Variants in SORCS3 observed in about 807,000 individuals in gnomAD.
SORCS3 encodes the protein VPS10 domain-containing receptor SorCS3.
Under a neutral mutation model 146.3 loss-of-function variants are expected in SORCS3, and 57 were observed. The ratio of observed to expected loss-of-function variants is 0.39; its 90% CI spans 0.31 to 0.49. SORCS3 has a LOEUF of 0.49. Among genes scored for constraint, SORCS3 ranks in the 20% least tolerant of loss-of-function variants. SORCS3 has a pLI of 0.92. For missense variants in SORCS3, 1,341 were observed against 1,575.5 expected, an observed-to-expected ratio of 0.85 and a Z score of 2.52; for synonymous variants, 653 against 618.5, an observed-to-expected ratio of 1.06 and a Z score of -0.83.
chr10:105,245,923 T>A (rs1430538973), intron 21 of SORCS3, among the ~76,000 whole-genome samples: 1 of 152,202 alleles, frequency 6.6e-6, no homozygotes, highest in East Asian at 1.9e-4. Flanking sequence ...CAAAGACACG[T>A]ATCACAAATT....
chr10:105,187,733 A>G (rs1022945106), intron 14 of SORCS3, among the ~76,000 whole-genome samples: 2 of 152,216 alleles, frequency 1.3e-5, no homozygotes, highest in African/African-American at 4.8e-5. Context: ...TGTTGCTATT[A>G]CAAGAACATT....
chr10:104,760,291 C>A (rs2017105155), intron 1 of SORCS3, among the ~76,000 whole-genome samples: 1 of 152,206 alleles, frequency 6.6e-6, no homozygotes, highest in South Asian at 2.1e-4. Flanking sequence ...GCAGCTGGCA[C>A]ACAGTCAGTG....
At chr10:105,053,043 C>T (rs895559102) in intron 5 of SORCS3, among the ~76,000 whole-genome samples, 6 of 151,962 alleles carry the variant, frequency 3.9e-5, no homozygotes, top group African/African-American at 1.4e-4. Context: ...TGGTGAGGGC[C>T]CTCTTCCAGG....
intron 25 of SORCS3, 104 bp downstream of exon 25, chr10:105,257,028 A>G (rs565875357): frequency 1.2e-6 from 1 of 827,472 alleles, no homozygotes; most frequent in East Asian, 2.6e-5. Context: ...GTGATTTTTA[A>G]TTCTCCTTGA....
At position 105,028,470 on chromosome 10, in the gene SORCS3, C is replaced by T. The variant is rs150096002; in HGVS notation, c.955-14585C>T. Among the ~76,000 whole-genome samples, 549 of 152,196 alleles carry T rather than the reference C, an allele frequency of 3.6e-3. 3 individuals are homozygous for T. Among genetic ancestry groups the T allele is most frequent in the African/African-American group, 0.013 (526 of 41,516 alleles). ...ATTAGCAGCTTCTCCACTACCTCCCCGTGAAATGGCCCACCCAAGATCACA... is the reference window on the plus strand; with the variant it reads ...ATTAGCAGCTTCTCCACTACCTCCCTGTGAAATGGCCCACCCAAGATCACA... On this transcript the variant is annotated intron_variant, in intron 4 of 26. Transcript: ENST00000369701.
intron 14 of SORCS3, among the ~76,000 whole-genome samples, chr10:105,195,634 G>A (rs1165206484): frequency 6.6e-6 from 1 of 152,184 alleles, no homozygotes; most frequent in Non-Finnish European, 1.5e-5. Flanking sequence ...AACAGAATTA[G>A]GGAAGCTGGG....
intron 2 of SORCS3, among the ~76,000 whole-genome samples, chr10:104,855,716 A>AGTGTGTGT (rs58569291): frequency 0.071 from 10,652 of 150,784 alleles, 1,157 homozygotes; most frequent in African/African-American, 0.23. Context: ...TTTGCTTTTG[A>AGTGTGTGT]GTGTGTGTGT....
intron 20 of SORCS3, among the ~76,000 whole-genome samples, chr10:105,237,071 T>C (rs1323526317): frequency 2.6e-5 from 4 of 152,156 alleles, no homozygotes; most frequent in Non-Finnish European, 5.9e-5. Flanking sequence ...TGGTTAGGAA[T>C]TTTTAATCCA....
intron 13 of SORCS3, among the ~76,000 whole-genome samples, chr10:105,169,139 A>G (rs781539535): frequency 6.6e-5 from 10 of 152,128 alleles, no homozygotes; most frequent in Non-Finnish European, 1.2e-4. Context: ...AATGGCATCA[A>G]AAAGCAAACA....
chr10:104,789,984 G>C (rs1043059016), intron 1 of SORCS3, among the ~76,000 whole-genome samples: 1 of 152,186 alleles, frequency 6.6e-6, no homozygotes, highest in Non-Finnish European at 1.5e-5. Context: ...TCAGGATTCT[G>C]TGCCAATGCC....
intron 4 of SORCS3, among the ~76,000 whole-genome samples, chr10:105,014,317 T>C (rs1478569540): frequency 6.6e-6 from 1 of 151,738 alleles, no homozygotes. Context: ...AATGCCAACA[T>C]TTAAGAAGAA....
chr10:105,143,984 T>C (rs1356549712), intron 8 of SORCS3, among the ~76,000 whole-genome samples: 1 of 152,156 alleles, frequency 6.6e-6, no homozygotes, highest in Admixed American at 6.6e-5. Context: ...CTCTTCACAA[T>C]GCTTCCGCAA....
intron 1 of SORCS3, among the ~76,000 whole-genome samples, chr10:104,761,728 T>C (rs2017124231): frequency 6.6e-6 from 1 of 152,098 alleles, no homozygotes; most frequent in African/African-American, 2.4e-5. Context: ...CAGATTATTG[T>C]CATTGAAGTG....
chr10:104,837,651 A>G (rs1371230554), intron 1 of SORCS3, among the ~76,000 whole-genome samples: 2 of 152,310 alleles, frequency 1.3e-5, no homozygotes, highest in Middle Eastern at 3.4e-3. Context: ...CTCCAAGAAC[A>G]AAGAAAACAA....
intron 4 of SORCS3, among the ~76,000 whole-genome samples, chr10:105,035,253 T>C (rs1393732896): frequency 6.6e-6 from 1 of 152,124 alleles, no homozygotes; most frequent in East Asian, 1.9e-4. Flanking sequence ...AAAATACCCA[T>C]GGAATTTTAA....
At chr10:105,212,156 A>G (rs1322108175) in intron 17 of SORCS3, among the ~76,000 whole-genome samples, 4 of 152,168 alleles carry the variant, frequency 2.6e-5, no homozygotes, top group Non-Finnish European at 4.4e-5. Context: ...AGTACTATCT[A>G]CCTAACTGAT....
intron 3 of SORCS3, among the ~76,000 whole-genome samples, chr10:104,956,591 G>A (rs2019492563): frequency 6.6e-6 from 1 of 151,828 alleles, no homozygotes; most frequent in African/African-American, 2.4e-5. Flanking sequence ...TGGTGGTGGT[G>A]GAAGTGATTT....
intron 3 of SORCS3, among the ~76,000 whole-genome samples, chr10:104,943,264 G>T (rs1255358737): frequency 6.6e-6 from 1 of 152,018 alleles, no homozygotes; most frequent in African/African-American, 2.4e-5. Context: ...TGAGTAGCTG[G>T]GAGTACAGGT....
intron 9 of SORCS3, among the ~76,000 whole-genome samples, chr10:105,153,937 A>G (rs2056186686): frequency 6.6e-6 from 1 of 151,748 alleles, no homozygotes; most frequent in South Asian, 2.1e-4. Context: ...GGGCATAGTG[A>G]CAGTCACCTA....
Sources: gnomAD v4.1 joint callset for allele counts (sites outside exome capture counted in the v4.1 genomes callset) on GRCh38, gnomAD v4.1.1 for gene constraint, MANE v1.5 for transcripts, NCBI Gene and HGNC (gene_info 2026-07-23, HGNC 2026-07-21) for gene names.